Variants in CNTN4 observed in about 807,000 individuals in gnomAD.
The protein encoded by CNTN4 is contactin 4, also known as contactin-4.
In CNTN4, 77 loss-of-function variants were observed where a neutral mutation model predicts 122.5. That is an observed-to-expected ratio of 0.63 (90% CI 0.52 to 0.76). The LOEUF is 0.76. CNTN4 is among the 30% of genes least tolerant of loss of function. CNTN4 has a pLI of 0.00. For synonymous variants in CNTN4, 512 were observed against 447.0 expected (o/e 1.15, Z -1.83); for missense variants, 1,256 against 1,259.1 (o/e 1.00, Z 0.04).
intron 2 of CNTN4, among the ~76,000 whole-genome samples, chr3:2,291,325 T>C (rs114851482): frequency 0.016 from 2,435 of 152,260 alleles, 68 homozygotes; most frequent in African/African-American, 0.056. Flanking sequence ...CCAACCCATA[T>C]AGGAGAATTC....
intron 4 of CNTN4, among the ~76,000 whole-genome samples, chr3:2,646,969 G>C (rs1190645019): frequency 6.6e-6 from 1 of 152,132 alleles, no homozygotes. Context: ...ATGAAATTTG[G>C]GGAAACATAA....
intron 4 of CNTN4, among the ~76,000 whole-genome samples, chr3:2,735,555 G>A (rs973564923): frequency 3.9e-5 from 6 of 152,144 alleles, no homozygotes; most frequent in Non-Finnish European, 7.3e-5. Flanking sequence ...CAGTTTGGGC[G>A]TTACTGAGTC....
chr3:2,649,785 A>G (rs1012447185), intron 4 of CNTN4, among the ~76,000 whole-genome samples: 10 of 151,880 alleles, frequency 6.6e-5, no homozygotes, highest in African/African-American at 2.4e-4. Flanking sequence ...GGATCTCGGC[A>G]AAGTAAATTG....
chr3:2,178,104 G>A (rs992826240), intron 2 of CNTN4, among the ~76,000 whole-genome samples: 2 of 152,018 alleles, frequency 1.3e-5, no homozygotes, highest in African/African-American at 4.8e-5. Flanking sequence ...GTAGCAGGAT[G>A]CACTGCTTTC....
chr3:2,533,985 T>C (rs1415650532), intron 3 of CNTN4, among the ~76,000 whole-genome samples: 104 of 152,096 alleles, frequency 6.8e-4, no homozygotes, highest in African/African-American at 2.5e-3. Context: ...GTTTGAGTTC[T>C]TTGTAGATTC....
intron 2 of CNTN4, among the ~76,000 whole-genome samples, chr3:2,191,887 A>C (rs1276785090): frequency 1.9e-4 from 26 of 136,088 alleles, no homozygotes; most frequent in African/African-American, 4.0e-4. Context: ...CCCTCCCCCC[A>C]CTCCACAACA....
intron 4 of CNTN4, among the ~76,000 whole-genome samples, chr3:2,729,710 C>G (rs148514438): frequency 6.6e-6 from 1 of 151,860 alleles, no homozygotes; most frequent in Non-Finnish European, 1.5e-5. Flanking sequence ...GTCAGGAGTT[C>G]GAGACCGGCC....
In CNTN4 at chr3:2,879,578, A is replaced by G. The variant is rs371722496; in HGVS notation, c.653-3567A>G. Among the ~76,000 whole-genome samples the G allele has an allele frequency of 2.0e-4, 31 of 152,318 alleles. No individual in the cohort carries two copies. In the South Asian group the frequency reaches 6.2e-3, roughly 31 times the overall value. ...TCTCGAAAACGCTATGTTCAATGAA[A>G]GGAGCCAGGCACAAAAGACCACATA... On this transcript the variant is annotated intron_variant, in intron 8 of 24. Transcript: ENST00000418658.
chr3:2,868,095 G>T (rs539110145), intron 8 of CNTN4, among the ~76,000 whole-genome samples: 1 of 152,108 alleles, frequency 6.6e-6, no homozygotes, highest in African/African-American at 2.4e-5. Context: ...TTATGAACAG[G>T]AATGACGAGA....
intron 2 of CNTN4, among the ~76,000 whole-genome samples, chr3:2,333,135 C>A (rs1244111694): frequency 6.6e-6 from 1 of 152,204 alleles, no homozygotes; most frequent in East Asian, 1.9e-4. Flanking sequence ...GGCCTTACAA[C>A]TGATGAGCAG....
intron 12 of CNTN4, among the ~76,000 whole-genome samples, chr3:2,914,386 A>C (rs2094332987): frequency 1.3e-5 from 2 of 152,168 alleles, no homozygotes; most frequent in Non-Finnish European, 2.9e-5. Context: ...TAAAAAGATC[A>C]ACCAAATTGA....
At chr3:2,315,138 G>C (rs1267865632) in intron 2 of CNTN4, among the ~76,000 whole-genome samples, 7 of 151,970 alleles carry the variant, frequency 4.6e-5, no homozygotes, top group Admixed American at 1.3e-4. Context: ...AGAATTAAAA[G>C]AATTAGCTAT....
intron 3 of CNTN4, among the ~76,000 whole-genome samples, chr3:2,368,285 G>A (rs1231518450): frequency 6.6e-6 from 1 of 151,968 alleles, no homozygotes; most frequent in Non-Finnish European, 1.5e-5. Context: ...GCCCGCCTCG[G>A]CCTCCCAAAG....
chr3:2,235,686 C>G lies in CNTN4; in HGVS notation c.-144-103492C>G, dbSNP rs532345425. The stretch of plus-strand genomic sequence containing the variant: ...ACTAGATTTCAGTAAAATGATCCCA[C>G]TAGATTGTAAATTTTGTTAATTTAG... On this transcript the variant is annotated intron_variant, in intron 2 of 24. Transcript: ENST00000418658. Among the ~76,000 whole-genome samples the G allele has an allele frequency of 2.6e-5, 4 of 152,098 alleles. No homozygotes were observed. In the South Asian group the frequency reaches 8.3e-4, roughly 32 times the overall value.
intron 2 of CNTN4, among the ~76,000 whole-genome samples, chr3:2,156,638 G>C (rs980713528): frequency 6.6e-6 from 1 of 152,156 alleles, no homozygotes; most frequent in African/African-American, 2.4e-5. Context: ...GTAGACCCTC[G>C]GTAAATGTTT....
chr3:2,996,362 A>G (rs1294024122), intron 14 of CNTN4, among the ~76,000 whole-genome samples: 3 of 152,188 alleles, frequency 2.0e-5, no homozygotes, highest in Admixed American at 6.5e-5. Flanking sequence ...TATTGCAGGC[A>G]AAGCCATCCA....
At position 2,856,860 on chromosome 3, in the gene CNTN4, T is replaced by A. The variant is rs570198022; in HGVS notation, c.455-9892T>A. Among the ~76,000 whole-genome samples the A allele has an allele frequency of 2.6e-5, 4 of 152,338 alleles. No homozygotes were observed. The South Asian group carries it at 8.3e-4, about 32-fold the overall frequency. ...AATGTGAGCTGGATGCATTTTACTTTATCCAGGAGGCAGTGGGACTCACAG... is the reference window on the plus strand; with the variant it reads ...AATGTGAGCTGGATGCATTTTACTTAATCCAGGAGGCAGTGGGACTCACAG... On this transcript the variant is annotated intron_variant, in intron 7 of 24. Transcript: ENST00000418658.
intron 4 of CNTN4, among the ~76,000 whole-genome samples, chr3:2,636,477 C>T (rs2082663242): frequency 6.6e-6 from 1 of 152,178 alleles, no homozygotes; most frequent in Non-Finnish European, 1.5e-5. Context: ...TTATTTATCT[C>T]TACTCTTTAA....
intron 3 of CNTN4, among the ~76,000 whole-genome samples, chr3:2,540,819 G>A (rs534255847): frequency 6.6e-6 from 1 of 151,994 alleles, no homozygotes. Flanking sequence ...TAACTTTTCT[G>A]TTTATTTGCC....
Sources: allele counts gnomAD v4.1 joint callset (sites outside exome capture counted in the v4.1 genomes callset), GRCh38; gene constraint gnomAD v4.1.1; transcripts MANE v1.5; gene names NCBI Gene and HGNC (gene_info 2026-07-23, HGNC 2026-07-21).